The following ASXL2 variants were observed in gnomAD, a reference collection of about 807,000 sequenced individuals.
The protein encoded by ASXL2 is putative Polycomb group protein ASXL2.
In ASXL2, 23 loss-of-function variants were observed where a neutral mutation model predicts 122.0. That is an observed-to-expected ratio of 0.19 (90% confidence interval 0.14 to 0.27). ASXL2 has a LOEUF of 0.27. Ranked by LOEUF, ASXL2 falls within the 10% of genes least tolerant of loss-of-function variation. ASXL2 has a pLI of 1.00. For synonymous variants in ASXL2, 650 were observed against 637.0 expected (o/e 1.02, Z -0.31); for missense variants, 1,518 against 1,713.8 (o/e 0.89, Z 2.02).
chr2:25,743,218 G>T lies in ASXL2; in HGVS notation c.3119C>A (p.Ser1040Ter), dbSNP rs2087867301. The change falls in exon 13 of 13, where the codon TCA (serine) becomes TAA (stop). Residue 1040 changes from serine (S) to a stop codon, truncating the protein, a stop_gained. Transcript: ENST00000435504. LOFTEE classifies it high-confidence loss of function. ...PQVPRPLQLF[S>*]AKELRDSSID... ...GCTGGAGTCCCTCAGCTCCTTAGCT[G>T]AAAAGAGCTGAAGGGGCCTTGGAAC... 1 of 1,613,650 alleles carries T rather than the reference G, an allele frequency of 6.2e-7. No individual in the cohort carries two copies. The highest frequency in any genetic ancestry group is 8.5e-7 in the Non-Finnish European group (1 of 1,179,772).
intron 5 of ASXL2, among the ~76,000 whole-genome samples, chr2:25,792,011 T>A (rs139412559): frequency 3.3e-5 from 5 of 152,342 alleles, no homozygotes; most frequent in African/African-American, 1.2e-4. Context: ...TTCATTCATT[T>A]CTTGAGACAG....
intron 5 of ASXL2, among the ~76,000 whole-genome samples, chr2:25,798,181 G>T (rs114990919): frequency 6.6e-6 from 1 of 152,172 alleles, no homozygotes; most frequent in African/African-American, 2.4e-5. Flanking sequence ...AGGGTGGTGT[G>T]GGGGAGGAGG....
At chr2:25,832,589 A>C (rs1016308053) in intron 3 of ASXL2, among the ~76,000 whole-genome samples, 11 of 152,180 alleles carry the variant, frequency 7.2e-5, no homozygotes, top group Non-Finnish European at 1.5e-4. Context: ...AAAAAATTCT[A>C]AACTATGCAG....
intron 5 of ASXL2, among the ~76,000 whole-genome samples, chr2:25,784,991 A>G (rs1202006255): frequency 6.6e-6 from 1 of 152,250 alleles, no homozygotes; most frequent in Admixed American, 6.5e-5. Flanking sequence ...TTCATTGAAT[A>G]TAAGCTATTA....
At chr2:25,766,788 G>A (rs1433733334) in intron 8 of ASXL2, among the ~76,000 whole-genome samples, 1 of 152,176 alleles carries the variant, frequency 6.6e-6, no homozygotes, top group Non-Finnish European at 1.5e-5. Flanking sequence ...AGCTATGTTT[G>A]ATATCCCTGA....
rs2088376970 is a variant in ASXL2, at chr2:25,767,727, C to T, written c.632-1G>A. The stretch of plus-strand genomic sequence containing the variant: ...TCAGATTGCTTTCCTTCCCATGTTG[C>T]TAGGAGAAAAAAATACGTATAAAGA... On this transcript the variant is annotated splice_acceptor_variant, in intron 7 of 12. Transcript: ENST00000435504. LOFTEE classifies it high-confidence loss of function. The T allele has an allele frequency of 6.2e-7, 1 of 1,612,998 alleles. No individual in the cohort carries two copies. Among genetic ancestry groups the T allele is most frequent in the African/African-American group, 1.3e-5 (1 of 74,774 alleles).
At chr2:25,865,884 C>G (rs918701184) in intron 1 of ASXL2, among the ~76,000 whole-genome samples, 1 of 150,806 alleles carries the variant, frequency 6.6e-6, no homozygotes, top group Non-Finnish European at 1.5e-5. Flanking sequence ...ATGGTCTTAA[C>G]TCCAACTGCA....
At chr2:25,756,454 A>C (rs186546172) in intron 9 of ASXL2, among the ~76,000 whole-genome samples, 53 of 132,480 alleles carry the variant, frequency 4.0e-4, no homozygotes, top group African/African-American at 1.3e-3. Context: ...AGATAATGAC[A>C]AAAAAAAAAA....
intron 4 of ASXL2, 136 bp from the exon 5 acceptor site, chr2:25,799,671 A>G (rs1408813674): frequency 9.7e-7 from 1 of 1,030,614 alleles, no homozygotes; most frequent in African/African-American, 1.6e-5. Flanking sequence ...AACCAGCAAT[A>G]TTTTCTGAAT....
chr2:25,857,422 T>C (rs1335835253), intron 1 of ASXL2, among the ~76,000 whole-genome samples: 2 of 152,192 alleles, frequency 1.3e-5, no homozygotes, highest in Admixed American at 6.5e-5. Context: ...GTTTTCATCA[T>C]TGACCTAGTA....
intron 3 of ASXL2, among the ~76,000 whole-genome samples, chr2:25,819,419 G>C (rs1197913753): frequency 6.6e-6 from 1 of 152,038 alleles, no homozygotes; most frequent in African/African-American, 2.4e-5. Context: ...GGGGAAAAAT[G>C]GTATCTTTAC....
intron 3 of ASXL2, among the ~76,000 whole-genome samples, chr2:25,825,097 C>T (rs534950982): frequency 6.6e-6 from 1 of 152,212 alleles, no homozygotes; most frequent in East Asian, 1.9e-4. Context: ...TTATCCTTCA[C>T]TTTCTTAACC....
intron 2 of ASXL2, among the ~76,000 whole-genome samples, chr2:25,837,799 G>A (rs978276879): frequency 5.9e-5 from 9 of 151,648 alleles, no homozygotes; most frequent in Admixed American, 5.3e-4. Flanking sequence ...GCAGTGAGCC[G>A]TGATTAAAAA....
chr2:25,747,140 G>C (rs1440979075), intron 12 of ASXL2, among the ~76,000 whole-genome samples: 2 of 152,026 alleles, frequency 1.3e-5, no homozygotes, highest in African/African-American at 4.8e-5. Flanking sequence ...CAAATATTGC[G>C]ATAGGTGGTT....
intron 5 of ASXL2, among the ~76,000 whole-genome samples, chr2:25,778,858 T>C (rs1334983784): frequency 2.0e-5 from 3 of 152,044 alleles, no homozygotes; most frequent in East Asian, 1.9e-4. Context: ...CATCTTTAAA[T>C]TGGAAATGAT....
chr2:25,816,237 C>CA (rs372559324), intron 3 of ASXL2, among the ~76,000 whole-genome samples: 2,440 of 126,840 alleles, frequency 0.019, 19 homozygotes, highest in South Asian at 0.024. Flanking sequence ...GCCTCCATCT[C>CA]AAAAAAAAAA....
At chr2:25,856,860 G>A (rs901016310) in intron 1 of ASXL2, 8 of 820,584 alleles carry the variant, frequency 9.7e-6, no homozygotes, top group Non-Finnish European at 1.7e-5. Context: ...CGAGGTCCAA[G>A]TGGCCCAGTC....
rs556197490 is a variant in ASXL2 at position 25,799,168 on chromosome 2, G to T, written c.403+217C>A. 5.9e-5 allele frequency among the ~76,000 whole-genome samples: 9 copies of T among 152,232 alleles called. No individual in the cohort carries two copies. In the South Asian group the frequency reaches 1.9e-3, roughly 32 times the overall value. On this transcript the variant is annotated intron_variant, in intron 5 of 12. Transcript: ENST00000435504. ...CTTGGTCATAATAACCATATTTCAA[G>T]TATTCAATAGGCCCATGTAGCTACT...
At chr2:25,781,172 G>T (rs1393699583) in intron 5 of ASXL2, among the ~76,000 whole-genome samples, 1 of 152,078 alleles carries the variant, frequency 6.6e-6, no homozygotes, top group Non-Finnish European at 1.5e-5. Flanking sequence ...GTCCTGGAGT[G>T]TGAGAAATGA....
Sources: allele counts gnomAD v4.1 joint callset (sites outside exome capture counted in the v4.1 genomes callset), GRCh38; gene constraint gnomAD v4.1.1; transcripts MANE v1.5; gene names NCBI Gene and HGNC (gene_info 2026-07-23, HGNC 2026-07-21).